Variants in XIRP2 observed in about 807,000 individuals in gnomAD.
XIRP2 encodes xin actin binding repeat containing 2, also known as xin actin-binding repeat-containing protein 2.
XIRP2 carries 236 observed loss-of-function variants against 277.0 expected under a neutral mutation model. That is an observed-to-expected ratio of 0.85 (90% confidence interval 0.77 to 0.95). The LOEUF is 0.95. XIRP2 is among the 40% of genes least tolerant of loss of function. The pLI, the probability that XIRP2 is intolerant of heterozygous loss-of-function variation, is 0.00. For synonymous variants in XIRP2, 1,490 were observed against 1,416.5 expected (o/e 1.05, Z -1.17); for missense variants, 4,640 against 4,157.5 (o/e 1.12, Z -3.19).
intron 2 of XIRP2, among the ~76,000 whole-genome samples, chr2:166,918,101 A>G (rs1684939861): frequency 6.6e-6 from 1 of 152,230 alleles, no homozygotes; most frequent in Non-Finnish European, 1.5e-5. Context: ...ATCTGGAAAT[A>G]CAGTAAATCA....
intron 3 of XIRP2, among the ~76,000 whole-genome samples, chr2:167,175,335 T>C (rs1470364832): frequency 6.6e-6 from 1 of 152,204 alleles, no homozygotes; most frequent in East Asian, 1.9e-4. Context: ...ATGTCCTTTT[T>C]GTTGATGTTA....
At chr2:167,130,553 C>T (rs189818978) in intron 2 of XIRP2, among the ~76,000 whole-genome samples, 174 of 152,260 alleles carry the variant, frequency 1.1e-3, no homozygotes, top group African/African-American at 3.0e-3. Flanking sequence ...AGTCACCACT[C>T]TTTACAATTT....
At chr2:167,214,324 G>A (rs898658104) in intron 4 of XIRP2, among the ~76,000 whole-genome samples, 2 of 149,582 alleles carry the variant, frequency 1.3e-5, no homozygotes, top group Non-Finnish European at 3.0e-5. Flanking sequence ...AGGAAGGAAG[G>A]AAGATAGCCA....
In XIRP2 at chr2:167,241,913, A is replaced by G. The variant is rs1170013758; in HGVS notation, c.1176+3A>G. 1.2e-6 allele frequency: 2 copies of G among 1,609,708 alleles called. No homozygotes were observed. The highest frequency in any genetic ancestry group is 2.7e-5 in the African/African-American group (2 of 74,608). The stretch of plus-strand genomic sequence containing the variant: ...CAACCCCAGCCAAGCAGATTAAGGT[A>G]AAGTCATTTCTTTACACAGAAACAT... On this transcript the variant is annotated splice_donor_region_variant and intron_variant, in intron 8 of 10. Transcript: ENST00000409195.
chr2:166,994,928 T>C (rs971817029), intron 2 of XIRP2, among the ~76,000 whole-genome samples: 5 of 151,908 alleles, frequency 3.3e-5, no homozygotes, highest in African/African-American at 1.2e-4. Context: ...ACTTCTTTTT[T>C]TTTTTGACCG....
At chr2:167,046,197 G>A (rs1040047780) in intron 2 of XIRP2, among the ~76,000 whole-genome samples, 3 of 151,950 alleles carry the variant, frequency 2.0e-5, no homozygotes, top group Non-Finnish European at 2.9e-5. Flanking sequence ...ACTAATTTTT[G>A]TACATTGATT....
chr2:167,090,193 T>C (rs1412434890), intron 2 of XIRP2, among the ~76,000 whole-genome samples: 1 of 152,120 alleles, frequency 6.6e-6, no homozygotes, highest in Non-Finnish European at 1.5e-5. Context: ...GATTAAAACA[T>C]GCATTCTCCC....
intron 2 of XIRP2, among the ~76,000 whole-genome samples, chr2:166,959,529 A>G (rs1013477041): frequency 6.6e-6 from 1 of 151,848 alleles, no homozygotes; most frequent in Non-Finnish European, 1.5e-5. Flanking sequence ...CTCATTCTGG[A>G]TGGGAAACCA....
intron 5 of XIRP2, among the ~76,000 whole-genome samples, chr2:167,231,419 T>A (rs1311843650): frequency 6.6e-6 from 1 of 152,078 alleles, no homozygotes; most frequent in East Asian, 1.9e-4. Flanking sequence ...CAGTTTTTTT[T>A]AGTAAGATTT....
intron 2 of XIRP2, among the ~76,000 whole-genome samples, chr2:166,926,824 C>T (rs1037650205): frequency 1.3e-5 from 2 of 152,054 alleles, no homozygotes; most frequent in Non-Finnish European, 2.9e-5. Context: ...GAACACAGCC[C>T]CAGAATCTAC....
At chr2:167,252,619 T>G (rs1357280273) in intron 9 of XIRP2, among the ~76,000 whole-genome samples, 1 of 151,932 alleles carries the variant, frequency 6.6e-6, no homozygotes, top group East Asian at 1.9e-4. Flanking sequence ...ATTTAAAAAT[T>G]TTGATTTTAT....
chr2:167,126,347 G>T (rs1247901575), intron 2 of XIRP2, among the ~76,000 whole-genome samples: 2 of 152,094 alleles, frequency 1.3e-5, no homozygotes, highest in Admixed American at 6.6e-5. Flanking sequence ...AGACTGGAAA[G>T]GTTGGTCAAG....
At chr2:167,195,135 C>A (rs1455530960) in intron 3 of XIRP2, among the ~76,000 whole-genome samples, 1 of 152,136 alleles carries the variant, frequency 6.6e-6, no homozygotes, top group Non-Finnish European at 1.5e-5. Flanking sequence ...CTCTTCAGCT[C>A]AAATTAAATT....
In XIRP2 at chr2:166,903,713, G is replaced by T. The variant is rs1684443680; in HGVS notation, c.231G>T (p.Glu77Asp). 6.2e-7 allele frequency: 1 copy of T among 1,613,706 alleles called. No homozygotes were observed. ...AGATGTGGAGTTCGAAGCCGGAAGA[G>T]AAGGATTCTGTGGACAAGAGTAACA... Reference protein sequence around the residue: ...GEEMWSSKPEEKDSVDKSNNT... With the variant: ...GEEMWSSKPEDKDSVDKSNNT... The change falls in exon 2 of 11, where the codon GAG becomes GAT. Residue 77 changes from glutamate (E) to aspartate (D), a missense_variant. By Grantham distance (45) the Glu-to-Asp change is conservative. Transcript: ENST00000409195.
chr2:166,984,448 G>T (rs918684748), intron 2 of XIRP2, among the ~76,000 whole-genome samples: 8 of 151,998 alleles, frequency 5.3e-5, no homozygotes, highest in Non-Finnish European at 8.8e-5. Context: ...CTGAAGATAT[G>T]TTCTTAATTT....
rs377017162 is a variant in XIRP2, at chr2:167,006,460, AG to A, written c.408+102571del. Among the ~76,000 whole-genome samples the A allele has an allele frequency of 2.1e-3, 315 of 151,804 alleles. 9 individuals are homozygous for A. The South Asian group carries it at 0.039, about 19-fold the overall frequency. On this transcript the variant is annotated intron_variant, in intron 2 of 10. Transcript: ENST00000409195. ...CGTGGCATTATCTTTTTCTTTTTCAAGACTGTTGTTGCCTATTCACGATGAG... is the reference window on the plus strand; with the variant it reads ...CGTGGCATTATCTTTTTCTTTTTCAAACTGTTGTTGCCTATTCACGATGAG...
At chr2:166,965,500 C>G (rs544778025) in intron 2 of XIRP2, among the ~76,000 whole-genome samples, 3 of 151,958 alleles carry the variant, frequency 2.0e-5, no homozygotes, top group Non-Finnish European at 4.4e-5. Context: ...ACAGAGTCAC[C>G]TTTTTAGAGA....
At chr2:166,939,696 AAAC>A (rs1685640051) in intron 2 of XIRP2, among the ~76,000 whole-genome samples, 2 of 135,878 alleles carry the variant, frequency 1.5e-5, no homozygotes, top group African/African-American at 2.7e-5. Context: ...AAAAAAAAAA[AAAC>A]AAAAAACAAA....
In XIRP2 at chr2:167,258,213, T is replaced by G. The variant is rs377056110; in HGVS notation, c.*396T>G. On this transcript the variant is annotated 3_prime_UTR_variant, in exon 11 of 11. Coordinates refer to ENST00000409195, the MANE Select transcript of XIRP2 (RefSeq NM_152381.6). Reference sequence around the variant, plus strand: ...AAAACCTTACCCTTTGAGGAAGAGCTCAAAATGAGTAAACCTAAGTGGCCA... The same window carrying G: ...AAAACCTTACCCTTTGAGGAAGAGCGCAAAATGAGTAAACCTAAGTGGCCA... 25 of 1,612,844 alleles carry G rather than the reference T, an allele frequency of 1.6e-5. No individual in the cohort carries two copies. The highest frequency in any genetic ancestry group is 5.3e-5 in the African/African-American group (4 of 74,786).
Sources: allele counts gnomAD v4.1 joint callset (sites outside exome capture counted in the v4.1 genomes callset), GRCh38; gene constraint gnomAD v4.1.1; transcripts MANE v1.5; gene names NCBI Gene and HGNC (gene_info 2026-07-23, HGNC 2026-07-21).